Variants in DGCR8 observed in about 807,000 individuals in gnomAD.
DGCR8 encodes the protein DGCR8 microprocessor complex subunit, also known as microprocessor complex subunit DGCR8.
Under a neutral mutation model 78.5 loss-of-function variants are expected in DGCR8, and 14 were observed. That is an observed-to-expected ratio of 0.18 (90% CI 0.12 to 0.28). The LOEUF is 0.28. DGCR8 is among the 10% of genes least tolerant of loss of function. DGCR8 has a pLI of 1.00. For synonymous variants in DGCR8, 399 were observed against 402.4 expected, an observed-to-expected ratio of 0.99 and a Z score of 0.10; for missense variants, 702 against 1,022.5, an observed-to-expected ratio of 0.69 and a Z score of 4.28.
Position 20,106,221 on chromosome 22 carries a change from G to T in DGCR8, c.1833G>T (p.Leu611=). Residue 611 remains leucine, a synonymous_variant, in exon 10 of 14, where the codon CTG becomes CTT. Coordinates refer to ENST00000351989, the MANE Select transcript of DGCR8 (RefSeq NM_022720.7). The part of the protein sequence containing the change: ...ISIEDSRVYE[L]TSKAGLLSPY... Reference sequence around the variant, plus strand: ...TCGAGGACTCGCGGGTCTACGAGCTGACCAGCAAGGCTGGGCTGTTGTCTC... The same window carrying T: ...TCGAGGACTCGCGGGTCTACGAGCTTACCAGCAAGGCTGGGCTGTTGTCTC... 1.2e-6 allele frequency: 2 copies of T among 1,613,994 alleles called. No homozygotes were observed. Among genetic ancestry groups the T allele is most frequent in the South Asian group, 2.2e-5 (2 of 91,066 alleles).
intron 3 of DGCR8, among the ~76,000 whole-genome samples, chr22:20,088,966 G>A (rs1478505259): frequency 2.6e-5 from 4 of 152,086 alleles, no homozygotes; most frequent in African/African-American, 4.8e-5. Context: ...AAAGTTTTTT[G>A]TAGAGTCAGG....
chr22:20,083,217 C>T (rs1002156616), intron 1 of DGCR8, among the ~76,000 whole-genome samples: 1 of 152,120 alleles, frequency 6.6e-6, no homozygotes, highest in African/African-American at 2.4e-5. Context: ...CTTCTTCAGG[C>T]GCTTTCCTTG....
Position 20,111,302 on chromosome 22 carries a change from A to G in DGCR8, c.*1194A>G, listed in dbSNP as rs775134861. ...TGCTTGTGGTGCGCCATCTGAAGCA[A>G]GAGTCCAGCGTTCTGCCGTGTCTGT... is the stretch of plus-strand genomic sequence containing the variant. On this transcript the variant is annotated 3_prime_UTR_variant, in exon 14 of 14. Coordinates refer to ENST00000351989, the MANE Select transcript of DGCR8 (RefSeq NM_022720.7). 5 of 398,124 alleles carry G rather than the reference A, an allele frequency of 1.3e-5. No individual in the cohort carries two copies. The highest frequency in any genetic ancestry group is 2.2e-5 in the Non-Finnish European group (5 of 226,152). The allele number at this position is 398,124 out of a possible 1,614,324, so 24.7% of individuals were successfully genotyped here.
chr22:20,085,575 A>G lies in DGCR8; in HGVS notation c.-277-112A>G, dbSNP rs968120474. On this transcript the variant is annotated intron_variant, in intron 1 of 13. Coordinates refer to ENST00000351989, the MANE Select transcript of DGCR8 (RefSeq NM_022720.7). The surrounding 1 kb of genome is among the most constrained non-coding windows in gnomAD (Gnocchi z 6.2). ...TGCCTAAAAAGTCCTCTTAGGGAAT[A>G]TTATTTTGAAGCCCTTTACTATGCT... The G allele has an allele frequency of 1.2e-6, 1 of 848,486 alleles. No homozygotes were observed. The highest frequency in any genetic ancestry group is 1.8e-5 in the African/African-American group (1 of 56,890). The allele number at this position is 848,486 out of a possible 1,614,324, so 52.6% of individuals were successfully genotyped here.
chr22:20,093,015 G>A (rs2049584574), intron 8 of DGCR8, 108 bp downstream of exon 8: 2 of 721,546 alleles, frequency 2.8e-6, no homozygotes, highest in Non-Finnish European at 2.3e-6. Context: ...ATGTGGGTGG[G>A]GCATGTTTAT....
At chr22:20,091,716 T>C in intron 6 of DGCR8, 84 bp downstream of exon 6, 1 of 1,556,836 alleles carries the variant, frequency 6.4e-7, no homozygotes, top group Non-Finnish European at 8.8e-7. Flanking sequence ...TTTTATGAGT[T>C]GCATTTCGTT....
rs2049773406 is a variant in DGCR8, at chr22:20,106,645, A to C, written c.1943A>C (p.Asn648Thr). The change falls in exon 11 of 14, where the codon AAC (asparagine) becomes ACC (threonine). Residue 648 changes from asparagine (N) to threonine (T), a missense_variant. By Grantham distance (65) the Asn-to-Thr change is moderately conservative. Coordinates refer to ENST00000351989, the MANE Select transcript of DGCR8 (RefSeq NM_022720.7). ...SIKFEVVPGKNQKSEYVMACG... is the reference protein window; with the variant it reads ...SIKFEVVPGKTQKSEYVMACG... ...AAGTTTGAAGTGGTTCCTGGGAAAA[A>C]CCAGAAGAGTGAATACGTCATGGCG... 1.9e-6 allele frequency: 3 copies of C among 1,613,868 alleles called. No individual in the cohort carries two copies.
chr22:20,097,815 C>CTTTTTTTTTTTTTTTTTATTT (rs2049646755), intron 9 of DGCR8, among the ~76,000 whole-genome samples: 2 of 136,650 alleles, frequency 1.5e-5, no homozygotes, highest in Non-Finnish European at 3.1e-5. Context: ...TACTTTAATT[C>CTTTTTTTTTTTTTTTTTATTT]TTTTTTTTTT....
intron 9 of DGCR8, among the ~76,000 whole-genome samples, chr22:20,097,556 T>G (rs1022868647): frequency 1.3e-5 from 2 of 152,164 alleles, no homozygotes; most frequent in African/African-American, 2.4e-5. Flanking sequence ...AATTTGAGGC[T>G]TTCTTCTTTT....
At chr22:20,102,909 G>C (rs1456109076) in intron 9 of DGCR8, among the ~76,000 whole-genome samples, 2 of 152,182 alleles carry the variant, frequency 1.3e-5, no homozygotes, top group African/African-American at 4.8e-5. Context: ...GAGGTGGGTG[G>C]ATTACCTGAG....
chr22:20,090,092 G>A lies in DGCR8; in HGVS notation c.1140G>A (p.Lys380=). 1 of 1,614,248 alleles carries A rather than the reference G, an allele frequency of 6.2e-7. No homozygotes were observed. The highest frequency in any genetic ancestry group is 8.5e-7 in the Non-Finnish European group (1 of 1,180,042). ...LTPSGDVSPV[K]PLSRSAELEF... is the part of the protein sequence containing the mutation. ...CTAGTGGGGATGTGTCCCCCGTCAA[G>A]CCCCTGAGCCGATCTGCAGAGCTGG... The change falls in exon 5 of 14, where the codon AAG becomes AAA. Residue 380 remains lysine, a synonymous_variant. Coordinates refer to ENST00000351989, the MANE Select transcript of DGCR8 (RefSeq NM_022720.7).
At chr22:20,101,684 C>T (rs955259118) in intron 9 of DGCR8, 1 of 985,238 alleles carries the variant, frequency 1.0e-6, no homozygotes, top group African/African-American at 1.7e-5. Flanking sequence ...GGTGTTTAGA[C>T]AGGGGTGGCC....
intron 1 of DGCR8, among the ~76,000 whole-genome samples, chr22:20,082,443 C>T (rs2049429469): frequency 6.6e-6 from 1 of 152,128 alleles, no homozygotes; most frequent in African/African-American, 2.4e-5. Flanking sequence ...CTCCCGCTCA[C>T]TGTAAGCTTC....
chr22:20,099,794 G>A (rs2049673187), intron 9 of DGCR8, among the ~76,000 whole-genome samples: 1 of 152,176 alleles, frequency 6.6e-6, no homozygotes, highest in Admixed American at 6.5e-5. Context: ...TTTGTGGACT[G>A]GTGCTGTTAT....
chr22:20,097,322 G>T (rs928690600), intron 9 of DGCR8, among the ~76,000 whole-genome samples: 1 of 152,146 alleles, frequency 6.6e-6, no homozygotes. Context: ...TCTTTGTCCA[G>T]AGCTACTTAA....
At chr22:20,096,531 A>G (rs182784300) in intron 9 of DGCR8, 32 of 958,034 alleles carry the variant, frequency 3.3e-5, no homozygotes, top group Middle Eastern at 1.1e-3. Flanking sequence ...CTTTATTGAG[A>G]TAGTTTACAT....
chr22:20,106,755 C>T, intron 11 of DGCR8, 57 bp downstream of exon 11: 1 of 1,229,366 alleles, frequency 8.1e-7, no homozygotes, highest in Non-Finnish European at 1.2e-6. Context: ...CCTGGTGTGG[C>T]CCTGCGCCTC....
intron 3 of DGCR8, among the ~76,000 whole-genome samples, chr22:20,088,945 G>A (rs569526810): frequency 2.0e-5 from 3 of 152,232 alleles, no homozygotes; most frequent in South Asian, 2.1e-4. Flanking sequence ...ACCATGCCTG[G>A]ATAATTTTAA....
chr22:20,101,756 T>C (rs2049704959), intron 9 of DGCR8: 1 of 985,180 alleles, frequency 1.0e-6, no homozygotes, highest in African/African-American at 1.7e-5. Flanking sequence ...TCAGGTTGTG[T>C]CCCCGCCCCC....
Sources: gnomAD v4.1 joint callset for allele counts (sites outside exome capture counted in the v4.1 genomes callset) on GRCh38, gnomAD v4.1.1 for gene constraint, Gnocchi (gnomAD v3.1) non-coding constraint, MANE v1.5 for transcripts, NCBI Gene and HGNC (gene_info 2026-07-23, HGNC 2026-07-21) for gene names.